Variants in CIT observed in about 807,000 individuals in gnomAD.
CIT encodes the protein citron rho-interacting serine/threonine kinase, also known as citron Rho-interacting kinase.
Under a neutral mutation model 272.7 loss-of-function variants are expected in CIT, and 79 were observed. The ratio of observed to expected loss-of-function variants is 0.29; its 90% CI spans 0.24 to 0.35. The LOEUF (loss-of-function observed/expected upper bound fraction) is 0.35. CIT is among the 10% of genes least tolerant of loss of function. The probability of loss-of-function intolerance (pLI) is 1.00; values close to 1 mark genes in which losing one functional copy is unlikely to be tolerated. For missense variants in CIT, 1,909 were observed against 2,618.3 expected (o/e 0.73, Z 5.91); for synonymous variants, 948 against 995.6 (o/e 0.95, Z 0.90).
At position 119,782,383 on chromosome 12, in the gene CIT, C is replaced by G. The variant is rs1023553599; in HGVS notation, c.1665+135G>C. On this transcript the variant is annotated intron_variant, in intron 13 of 47. Transcript: ENST00000392521. ...TGAAGTTTCTGAATGACCTACATAC[C>G]TGTCTCTCTTCCACTCTGCCCCCAC... The G allele has an allele frequency of 4.4e-6, 4 of 908,376 alleles. No homozygotes were observed. The African/African-American group carries it at 6.6e-5, about 15-fold the overall frequency. The allele number at this position is 908,376 out of a possible 1,614,324, so 56.3% of individuals were successfully genotyped here. A position where few individuals can be genotyped will look rare whatever the true frequency, so the allele number is the denominator to read the frequency against.
At chr12:119,836,589 T>C (rs1969036466) in intron 5 of CIT, among the ~76,000 whole-genome samples, 1 of 152,130 alleles carries the variant, frequency 6.6e-6, no homozygotes, top group South Asian at 2.1e-4. Context: ...AATTCACAGA[T>C]AATAACAGAA....
Position 119,845,043 on chromosome 12 carries a change from C to T in CIT, c.516+5131G>A, listed in dbSNP as rs140695743. Among the ~76,000 whole-genome samples the T allele has an allele frequency of 7.6e-3, 1,160 of 152,008 alleles. 14 individuals are homozygous for T. The highest frequency in any genetic ancestry group is 0.027 in the African/African-American group (1,133 of 41,456). On this transcript the variant is annotated intron_variant, in intron 5 of 47. Coordinates refer to ENST00000392521, the MANE Select transcript of CIT (RefSeq NM_001206999.2). Reference sequence around the variant, plus strand: ...GCTGAGGCAGGTGAATCACTTGAACCCAGGAGGTGGAGGTTGCACTGAGCC... The same window carrying T: ...GCTGAGGCAGGTGAATCACTTGAACTCAGGAGGTGGAGGTTGCACTGAGCC...
At chr12:119,695,327 C>G (rs185824952) in intron 46 of CIT, among the ~76,000 whole-genome samples, 403 of 152,182 alleles carry the variant, frequency 2.6e-3, no homozygotes, top group Middle Eastern at 0.02. Context: ...AGCCCCATCC[C>G]CAGAAAACTG....
intron 14 of CIT, 22 bp from the exon 15 acceptor site, chr12:119,776,430 A>T: frequency 6.2e-7 from 1 of 1,606,874 alleles, no homozygotes. Context: ...AAGACACAAC[A>T]TATTGGGAAA....
Position 119,713,922 on chromosome 12 carries a change from G to A in CIT, c.4307-274C>T, listed in dbSNP as rs1407856755. 2 of 605,858 alleles carry A rather than the reference G, an allele frequency of 3.3e-6. No homozygotes were observed. The highest frequency in any genetic ancestry group is 5.8e-6 in the Non-Finnish European group (2 of 343,248). 37.5% of individuals were successfully genotyped at this position (605,858 alleles called of 1,614,324 possible). A position where few individuals can be genotyped will look rare whatever the true frequency, so the allele number is the denominator to read the frequency against. ...AACACGTTTGCATGTTTCAGTTGGA[G>A]TCAGCGGAAAGGTAGGGAGAGACCA... On this transcript the variant is annotated intron_variant, in intron 33 of 47. Coordinates refer to ENST00000392521, the MANE Select transcript of CIT (RefSeq NM_001206999.2). The surrounding 1 kb of genome is among the most constrained non-coding windows in gnomAD (Gnocchi z 5.2).
chr12:119,723,396 TTAAAAA>T (rs1957908693), intron 28 of CIT, among the ~76,000 whole-genome samples: 1 of 133,870 alleles, frequency 7.5e-6, no homozygotes, highest in African/African-American at 3.0e-5. Flanking sequence ...TCCCTATACA[TTAAAAA>T]AAAAAAAAAA....
At chr12:119,872,792 C>T (rs1202962471) in intron 2 of CIT, among the ~76,000 whole-genome samples, 1 of 151,928 alleles carries the variant, frequency 6.6e-6, no homozygotes, top group African/African-American at 2.4e-5. Flanking sequence ...ATATCTGTTG[C>T]CTCCTATTTA....
At chr12:119,692,599 T>TA (rs1283143067) in intron 46 of CIT, among the ~76,000 whole-genome samples, 2 of 152,224 alleles carry the variant, frequency 1.3e-5, no homozygotes, top group East Asian at 3.8e-4. Context: ...TGCATTGTCT[T>TA]ACAGCTGCTT....
intron 32 of CIT, among the ~76,000 whole-genome samples, chr12:119,716,414 A>AAAG (rs1957488027): frequency 8.5e-6 from 1 of 117,156 alleles, no homozygotes; most frequent in African/African-American, 3.4e-5. Flanking sequence ...AAAAAAAAAA[A>AAAG]GTAAAGCTCT....
rs1416364964 is a variant in CIT at position 119,718,809 on chromosome 12, A to G, written c.3893T>C (p.Leu1298Pro). 6.2e-7 allele frequency: 1 copy of G among 1,614,214 alleles called. No homozygotes were observed. Among genetic ancestry groups the G allele is most frequent in the Admixed American group, 1.7e-5 (1 of 60,030 alleles). ...GGCCAGCTTCAGCTCATTGTACTGC[A>G]GAGGAACCTGTGTGGGTAAAGCAGG... ...EDPALPTQVP[L>P]QYNELKLALE... is the part of the protein sequence containing the mutation. Residue 1298 changes from leucine (L) to proline (P), a missense_variant, in exon 31 of 48, where the codon CTG (leucine) becomes CCG (proline). Physicochemically the swap from Leu to Pro is moderately conservative, Grantham distance 98 (BLOSUM62 -3). Coordinates refer to ENST00000392521, the MANE Select transcript of CIT (RefSeq NM_001206999.2). This position sits in a 1 kb window ranked among gnomAD's most constrained non-coding sequence, Gnocchi z 4.8.
chr12:119,845,883 G>A (rs1593936671), intron 5 of CIT, among the ~76,000 whole-genome samples: 1 of 151,310 alleles, frequency 6.6e-6, no homozygotes, highest in East Asian at 1.9e-4. Context: ...AGAGGTTGCA[G>A]TGAGCCGAGA....
At chr12:119,738,672 T>C (rs2137288922) in intron 24 of CIT, among the ~76,000 whole-genome samples, 1 of 152,054 alleles carries the variant, frequency 6.6e-6, no homozygotes, top group East Asian at 1.9e-4. Context: ...TCACCTGATG[T>C]TGAGAGTTCA....
chr12:119,703,499 C>A (rs971512075), intron 41 of CIT, among the ~76,000 whole-genome samples: 28 of 137,028 alleles, frequency 2.0e-4, no homozygotes, highest in Non-Finnish European at 3.0e-5. Flanking sequence ...AATCTCGGTT[C>A]ACTGCAACTT....
chr12:119,743,127 C>A (rs1332084925), intron 23 of CIT, among the ~76,000 whole-genome samples: 3 of 151,998 alleles, frequency 2.0e-5, no homozygotes, highest in Non-Finnish European at 4.4e-5. Context: ...ATATAGGCAT[C>A]CATGACCCAT....
chr12:119,740,347 T>A (rs1201660917), intron 24 of CIT, among the ~76,000 whole-genome samples: 2 of 152,200 alleles, frequency 1.3e-5, no homozygotes, highest in African/African-American at 2.4e-5. Flanking sequence ...CAAAGGGGTA[T>A]AAGGAAACTT....
At chr12:119,820,109 G>A (rs61044401) in intron 9 of CIT, among the ~76,000 whole-genome samples, 3,650 of 152,254 alleles carry the variant, frequency 0.024, 135 homozygotes, top group African/African-American at 0.084. Flanking sequence ...ATGGTACCAC[G>A]GATTGATTCC....
intron 13 of CIT, chr12:119,782,244 G>C (rs1964363524): frequency 4.2e-6 from 1 of 237,336 alleles, no homozygotes; most frequent in African/African-American, 2.2e-5. Flanking sequence ...GCTGAAGTCT[G>C]CCCACTCTTG....
chr12:119,784,886 C>A lies in CIT; in HGVS notation c.1401+74G>T, dbSNP rs532118651. 1 of 1,566,196 alleles carries A rather than the reference C, an allele frequency of 6.4e-7. No individual in the cohort carries two copies. Among genetic ancestry groups the A allele is most frequent in the Non-Finnish European group, 8.7e-7 (1 of 1,155,838 alleles). ...GGCGGCTCAGAGCCAGCAGCGGCCC[C>A]GGGCGGATCCCTTGGCATATACGGA... On this transcript the variant is annotated intron_variant, in intron 11 of 47. Transcript: ENST00000392521. This position sits in a 1 kb window ranked among gnomAD's most constrained non-coding sequence, Gnocchi z 4.7.
intron 7 of CIT, among the ~76,000 whole-genome samples, chr12:119,828,815 G>C (rs138291897): frequency 6.6e-6 from 1 of 151,994 alleles, no homozygotes; most frequent in Non-Finnish European, 1.5e-5. Flanking sequence ...TGATCTGCTC[G>C]CCTCGGCCTC....
Sources: gnomAD v4.1 joint callset for allele counts (sites outside exome capture counted in the v4.1 genomes callset) on GRCh38, gnomAD v4.1.1 for gene constraint, Gnocchi (gnomAD v3.1) non-coding constraint, MANE v1.5 for transcripts, NCBI Gene and HGNC (gene_info 2026-07-23, HGNC 2026-07-21) for gene names.